Variants in FMO5 observed in about 807,000 individuals in gnomAD.
The protein encoded by FMO5 is flavin containing dimethylaniline monoxygenase 5, also known as flavin-containing monooxygenase 5.
A neutral mutation model predicts 43.6 loss-of-function variants in FMO5; 51 were observed. The observed-to-expected ratio is 1.17, with a 90% CI of 0.93 to 1.48. The LOEUF is 1.48. FMO5 is among the 40% of genes most tolerant of loss of function. The pLI, the probability that FMO5 is intolerant of heterozygous loss-of-function variation, is 0.00. For synonymous variants in FMO5, 187 were observed against 216.5 expected (o/e 0.86, Z 1.20); for missense variants, 644 against 643.0 (o/e 1.00, Z -0.02).
chr1:147,213,622 G>T, intron 3 of FMO5, 152 bp from the exon 4 acceptor site: 1 of 637,938 alleles, frequency 1.6e-6, no homozygotes, highest in Non-Finnish European at 2.4e-6. Context: ...GAACTGTTTG[G>T]GGCTGTAGTC....
intron 2 of FMO5, chr1:147,224,232 G>T: frequency 3.9e-6 from 1 of 257,228 alleles, no homozygotes; most frequent in Non-Finnish European, 7.7e-6. Context: ...CCAATTACAT[G>T]GACAGATATG....
Position 147,201,911 on chromosome 1 carries a change from T to G in FMO5, c.831-407A>C, listed in dbSNP as rs587639749. Among the ~76,000 whole-genome samples the G allele has an allele frequency of 5.9e-5, 9 of 152,344 alleles. 1 individual carries two copies. In the South Asian group the frequency reaches 1.0e-3, roughly 18 times the overall value. On this transcript the variant is annotated intron_variant, in intron 6 of 8. Transcript: ENST00000254090. ...GTTTCAAAGGCTCAAGAGCTAAGTT[T>G]AGGCCACTGTTTTCCAAACTGTATG...
intron 6 of FMO5, chr1:147,204,107 A>G (rs1422919200): frequency 1.9e-6 from 2 of 1,058,888 alleles, no homozygotes; most frequent in Admixed American, 1.7e-5. Flanking sequence ...TTATGCATCC[A>G]TGAGATTTTC....
intron 7 of FMO5, among the ~76,000 whole-genome samples, chr1:147,192,303 C>G (rs1453483550): frequency 6.6e-6 from 1 of 151,976 alleles, no homozygotes; most frequent in Non-Finnish European, 1.5e-5. Context: ...CATGATTTGG[C>G]TCTCTGTTTG....
At chr1:147,195,141 T>A (rs1257269691) in intron 7 of FMO5, among the ~76,000 whole-genome samples, 1 of 152,100 alleles carries the variant, frequency 6.6e-6, no homozygotes, top group African/African-American at 2.4e-5. Context: ...ACTTTCAGGT[T>A]CACCAATCCG....
rs1031321575 is a variant in FMO5, at chr1:147,186,822, A to G, written c.*78T>C. On this transcript the variant is annotated 3_prime_UTR_variant, in exon 9 of 9. Coordinates refer to ENST00000254090, the MANE Select transcript of FMO5 (RefSeq NM_001461.4). ...TAGATTTCTGGGCAATATGAAACTG[A>G]GAGTCAATCTCGTCAGATTCTGAAG... 3.3e-6 allele frequency: 5 copies of G among 1,520,792 alleles called. No homozygotes were observed. In the African/African-American group the frequency reaches 5.6e-5, roughly 17 times the overall value. The allele number at this position is 1,520,792 out of a possible 1,614,324, so 94.2% of individuals were successfully genotyped here.
At chr1:147,203,825 C>T in intron 6 of FMO5, 10 of 1,558,682 alleles carry the variant, frequency 6.4e-6, no homozygotes, top group Non-Finnish European at 8.8e-6. Flanking sequence ...AGAAATGATG[C>T]CATCTTCCTT....
At chr1:147,215,679 T>C in intron 3 of FMO5, 75 bp downstream of exon 3, 2 of 1,075,760 alleles carry the variant, frequency 1.9e-6, no homozygotes, top group Non-Finnish European at 2.7e-6. Context: ...GAAGTAAACA[T>C]TGGTAACTGA....
intron 6 of FMO5, chr1:147,204,857 C>G: frequency 1.2e-6 from 2 of 1,601,660 alleles, no homozygotes; most frequent in Non-Finnish European, 1.7e-6. Context: ...ACAGCCTCTT[C>G]TAATTCTGAA....
rs587621880 is a variant in FMO5 at position 147,187,521 on chromosome 1, G to T, written c.1257-276C>A. 2.0e-5 allele frequency among the ~76,000 whole-genome samples: 3 copies of T among 152,248 alleles called. No individual in the cohort carries two copies. The South Asian group carries it at 6.2e-4, about 32-fold the overall frequency. ...GTTAAAAGAGAGCTGTAATCGTTAG[G>T]TTCTTGAAGGATGTGAAAGATACAG... On this transcript the variant is annotated intron_variant, in intron 8 of 8. Transcript: ENST00000254090.
At chr1:147,208,284 C>A (rs1365710140) in intron 6 of FMO5, among the ~76,000 whole-genome samples, 1 of 151,900 alleles carries the variant, frequency 6.6e-6, no homozygotes, top group African/African-American at 2.4e-5. Context: ...GGGTATCATG[C>A]AAAAAGAACT....
chr1:147,215,661 A>C (rs1436137484), intron 3 of FMO5, 93 bp downstream of exon 3: 4 of 917,772 alleles, frequency 4.4e-6, no homozygotes, highest in Middle Eastern at 4.6e-4. Flanking sequence ...AAATCAAGCC[A>C]ATCTTTAGAA....
intron 3 of FMO5, 76 bp downstream of exon 3, chr1:147,215,678 A>T: frequency 3.7e-6 from 4 of 1,071,570 alleles, no homozygotes; most frequent in Non-Finnish European, 5.5e-6. Context: ...AGAAGTAAAC[A>T]TTGGTAACTG....
chr1:147,209,437 C>A (rs1434026944), intron 5 of FMO5, among the ~76,000 whole-genome samples: 1,036 of 109,746 alleles, frequency 9.4e-3, no homozygotes, highest in East Asian at 0.013. Flanking sequence ...GACTCCGTCT[C>A]AAAAAAAAAA....
rs1659471927 is a variant in FMO5 at position 147,203,771 on chromosome 1, A to G, written c.831-2267T>C. The G allele has an allele frequency of 3.3e-6, 5 of 1,535,680 alleles. No individual in the cohort carries two copies. In the African/African-American group the frequency reaches 4.1e-5, roughly 13 times the overall value. On this transcript the variant is annotated intron_variant, in intron 6 of 8. Transcript: ENST00000254090. ...AACACCATCATCTACTGCCCTTTCT[A>G]TGTCATCCATCAGATTGTCTGTAGA...
intron 2 of FMO5, among the ~76,000 whole-genome samples, chr1:147,220,944 C>CA (rs11287039): frequency 0.64 from 87,274 of 137,172 alleles, 27,348 homozygotes; most frequent in East Asian, 0.71. Flanking sequence ...TTTAAGTTTC[C>CA]AAAAAAAAAA....
At chr1:147,201,611 C>T in intron 6 of FMO5, 107 bp from the exon 7 acceptor site, 2 of 759,818 alleles carry the variant, frequency 2.6e-6, no homozygotes, top group Non-Finnish European at 4.4e-6. Flanking sequence ...CAATAATCTT[C>T]CCCTTGGTCT....
At position 147,194,387 on chromosome 1, in the gene FMO5, G is replaced by T. The variant is rs1657539894; in HGVS notation, c.1184-4138C>A. Among the ~76,000 whole-genome samples, 3 of 151,738 alleles carry T rather than the reference G, an allele frequency of 2.0e-5. No individual in the cohort carries two copies. In the South Asian group the frequency reaches 6.2e-4, roughly 32 times the overall value. On this transcript the variant is annotated intron_variant, in intron 7 of 8. Transcript: ENST00000254090. ...AGATCTTCCTCCATCCCTTTATTTT[G>T]AGCCTATGTGTGTCTCTGCACATGA... is the stretch of plus-strand genomic sequence containing the variant.
At chr1:147,196,441 G>A (rs587695054) in intron 7 of FMO5, among the ~76,000 whole-genome samples, 2 of 151,876 alleles carry the variant, frequency 1.3e-5, no homozygotes, top group African/African-American at 4.8e-5. Context: ...AAACATGAAG[G>A]AGGAGGTATA....
Sources: allele counts gnomAD v4.1 joint callset (sites outside exome capture counted in the v4.1 genomes callset), GRCh38; gene constraint gnomAD v4.1.1; transcripts MANE v1.5; gene names NCBI Gene and HGNC (gene_info 2026-07-23, HGNC 2026-07-21).